NAV2: variants seen among roughly 807,000 people sequenced by gnomAD.
NAV2 encodes helicase, APC down-regulated 1.
Under a neutral mutation model 223.2 loss-of-function variants are expected in NAV2, and 54 were observed. The ratio of observed to expected loss-of-function variants is 0.24; its 90% CI spans 0.19 to 0.30. The LOEUF is 0.30. Among genes scored for constraint, NAV2 ranks in the 10% least tolerant of loss-of-function variants. The pLI, the probability that NAV2 is intolerant of heterozygous loss-of-function variation, is 1.00. For missense variants in NAV2, 2,806 were observed against 3,147.5 expected, an observed-to-expected ratio of 0.89 and a Z score of 2.60; for synonymous variants, 1,279 against 1,239.3, an observed-to-expected ratio of 1.03 and a Z score of -0.67.
chr11:19,824,531 C>G (rs75603180), intron 1 of NAV2, among the ~76,000 whole-genome samples: 4 of 152,210 alleles, frequency 2.6e-5, no homozygotes, highest in African/African-American at 9.6e-5. Flanking sequence ...ACTTGCTTCT[C>G]TGTGCTCTGC....
chr11:20,069,819 G>A (rs868706143), intron 22 of NAV2, among the ~76,000 whole-genome samples: 5 of 152,102 alleles, frequency 3.3e-5, no homozygotes, highest in African/African-American at 4.8e-5. Flanking sequence ...TCAGTCATTC[G>A]CCCGGAGTTT....
chr11:19,444,281 G>A (rs1420942379), intron 1 of NAV2, among the ~76,000 whole-genome samples: 1 of 152,128 alleles, frequency 6.6e-6, no homozygotes, highest in Non-Finnish European at 1.5e-5. Context: ...GTTGTTTGTG[G>A]TAGAAATGGC....
chr11:19,390,122 G>A (rs1849190880), intron 1 of NAV2, among the ~76,000 whole-genome samples: 1 of 152,130 alleles, frequency 6.6e-6, no homozygotes. Context: ...TAATCTCCTG[G>A]GGCGCAGTGT....
intron 1 of NAV2, among the ~76,000 whole-genome samples, chr11:19,639,864 C>A (rs1436279230): frequency 6.6e-6 from 1 of 152,140 alleles, no homozygotes; most frequent in African/African-American, 2.4e-5. Flanking sequence ...GGATACCCCC[C>A]TAGAAACTGG....
rs373784980 is a variant in NAV2 at position 20,092,310 on chromosome 11, G to A, written c.5757G>A (p.Pro1919=). 313 of 1,614,026 alleles carry A rather than the reference G, an allele frequency of 1.9e-4. No individual in the cohort carries two copies. Among genetic ancestry groups the A allele is most frequent in the Non-Finnish European group, 2.3e-4 (277 of 1,180,016 alleles). Residue 1919 remains proline, a synonymous_variant, in exon 28 of 38, where the codon CCG becomes CCA. Transcript: ENST00000349880. ...APSQVSISAS[P]RQSMGLSQHS... ...CCCAAGTGTCCATCTCTGCCTCCCC[G>A]AGGCAGTCCATGGGCCTCTCCCAGC...
intron 1 of NAV2, among the ~76,000 whole-genome samples, chr11:19,742,626 T>A (rs943634271): frequency 2.6e-5 from 4 of 151,990 alleles, no homozygotes; most frequent in Admixed American, 1.3e-4. Context: ...TCCAGGGAGG[T>A]TACAGGGCTG....
At chr11:19,504,622 A>G in intron 1 of NAV2, among the ~76,000 whole-genome samples, 1 of 152,110 alleles carries the variant, frequency 6.6e-6, no homozygotes, top group East Asian at 1.9e-4. Flanking sequence ...AAGTTTATGA[A>G]TCTCTGATTT....
intron 1 of NAV2, among the ~76,000 whole-genome samples, chr11:19,603,313 A>G (rs2046396793): frequency 6.6e-6 from 1 of 152,170 alleles, no homozygotes; most frequent in African/African-American, 2.4e-5. Flanking sequence ...TGTGCCAGGC[A>G]TGTTTCTAGA....
intron 1 of NAV2, among the ~76,000 whole-genome samples, chr11:19,559,994 G>A (rs1433856982): frequency 3.9e-5 from 6 of 152,168 alleles, no homozygotes; most frequent in East Asian, 1.9e-4. Context: ...TTCCCCTCAC[G>A]TGCCTGCTTC....
intron 1 of NAV2, among the ~76,000 whole-genome samples, chr11:19,795,734 C>T (rs1690456533): frequency 6.6e-6 from 1 of 152,186 alleles, no homozygotes; most frequent in African/African-American, 2.4e-5. Flanking sequence ...AATTTGCCTC[C>T]TCATGTTGAT....
At chr11:19,734,406 G>A (rs746351147) in intron 1 of NAV2, among the ~76,000 whole-genome samples, 1 of 152,182 alleles carries the variant, frequency 6.6e-6, no homozygotes, top group Non-Finnish European at 1.5e-5. Flanking sequence ...GACACTGGAT[G>A]GGTTAGTTTT....
At chr11:20,038,447 G>T (rs7126056) in intron 12 of NAV2, among the ~76,000 whole-genome samples, 19 of 152,128 alleles carry the variant, frequency 1.2e-4, no homozygotes, top group African/African-American at 4.3e-4. Flanking sequence ...GATTTCTAAC[G>T]CAATGGTTTC....
chr11:19,986,335 T>C (rs190547675), intron 11 of NAV2, among the ~76,000 whole-genome samples: 1 of 152,334 alleles, frequency 6.6e-6, no homozygotes, highest in East Asian at 1.9e-4. Flanking sequence ...TAAAACTGAA[T>C]GAGTCCGGGC....
chr11:19,963,436 G>A lies in NAV2; in HGVS notation c.2645+14356G>A, dbSNP rs114395346. Among the ~76,000 whole-genome samples the A allele has an allele frequency of 8.3e-3, 1,271 of 152,220 alleles. 21 individuals carry two copies. Among genetic ancestry groups the A allele is most frequent in the African/African-American group, 0.029 (1,202 of 41,528 alleles). ...GCTAGTCCCCACACTCTGAATATCC[G>A]AATATATGGAAGGCAAGACCAAAAA... On this transcript the variant is annotated intron_variant, in intron 10 of 37. Transcript: ENST00000349880.
rs763676517 is a variant in NAV2, at chr11:19,486,328, T to A, written c.75+135301T>A. ...ATGGCCTTCCTCGTCATTTTTTCAATCCTTCAGGCCTTTGGTCTTTCTGGT... is the reference window on the plus strand; with the variant it reads ...ATGGCCTTCCTCGTCATTTTTTCAAACCTTCAGGCCTTTGGTCTTTCTGGT... On this transcript the variant is annotated intron_variant, in intron 1 of 37. Coordinates refer to the NAV2 transcript ENST00000360655. Among the ~76,000 whole-genome samples, 59 of 152,122 alleles carry A rather than the reference T, an allele frequency of 3.9e-4. 1 individual carries two copies. The highest frequency in any genetic ancestry group is 7.4e-5 in the Non-Finnish European group (5 of 68,018).
At chr11:19,587,693 T>A (rs546978230) in intron 1 of NAV2, among the ~76,000 whole-genome samples, 1 of 152,298 alleles carries the variant, frequency 6.6e-6, no homozygotes, top group South Asian at 2.1e-4. Context: ...AAGTAAGCAA[T>A]GGAGCTACAA....
intron 11 of NAV2, among the ~76,000 whole-genome samples, chr11:19,996,758 G>A (rs2584843): frequency 0.31 from 47,137 of 152,012 alleles, 8,264 homozygotes; most frequent in East Asian, 0.58. Flanking sequence ...ATTTTCGCTC[G>A]TCCACTGTGC....
intron 1 of NAV2, among the ~76,000 whole-genome samples, chr11:19,625,591 A>G (rs1266082991): frequency 6.6e-6 from 1 of 152,186 alleles, no homozygotes; most frequent in Non-Finnish European, 1.5e-5. Flanking sequence ...GCTGAATCAT[A>G]TGGTTGTTCT....
intron 1 of NAV2, among the ~76,000 whole-genome samples, chr11:19,584,169 G>A (rs1309971683): frequency 2.0e-5 from 3 of 152,158 alleles, no homozygotes; most frequent in Non-Finnish European, 4.4e-5. Flanking sequence ...TTTGCATAGA[G>A]GTGTTCATAA....
Sources: allele counts gnomAD v4.1 joint callset (sites outside exome capture counted in the v4.1 genomes callset), GRCh38; gene constraint gnomAD v4.1.1; transcripts MANE v1.5; gene names NCBI Gene and HGNC (gene_info 2026-07-23, HGNC 2026-07-21).